The following PITPNC1 variants were observed in gnomAD, a reference collection of about 807,000 sequenced individuals.
The protein encoded by PITPNC1 is phosphatidylinositol transfer protein cytoplasmic 1, also known as cytoplasmic phosphatidylinositol transfer protein 1.
PITPNC1 carries 18 observed loss-of-function variants against 44.7 expected under a neutral mutation model. The ratio of observed to expected loss-of-function variants is 0.40; its 90% CI spans 0.28 to 0.60. PITPNC1 has a LOEUF of 0.60. PITPNC1 is among the 20% of genes least tolerant of loss of function. The pLI is 0.39. For synonymous variants in PITPNC1, 141 were observed against 149.6 expected (o/e 0.94, Z 0.42); for missense variants, 290 against 418.4 (o/e 0.69, Z 2.68).
intron 6 of PITPNC1, among the ~76,000 whole-genome samples, chr17:67,666,545 G>A (rs1465392349): frequency 6.6e-6 from 1 of 152,166 alleles, no homozygotes; most frequent in East Asian, 1.9e-4. Context: ...TTCCTGCCAG[G>A]GCATATTACT....
intron 2 of PITPNC1, among the ~76,000 whole-genome samples, chr17:67,542,720 C>T (rs7222841): frequency 0.097 from 14,695 of 152,128 alleles, 703 homozygotes; most frequent in Non-Finnish European, 0.11. Context: ...ACGCATGAGC[C>T]GGCATAGTGA....
At chr17:67,395,146 C>T (rs1256937741) in intron 1 of PITPNC1, among the ~76,000 whole-genome samples, 4 of 151,834 alleles carry the variant, frequency 2.6e-5, no homozygotes, top group Non-Finnish European at 4.4e-5. Context: ...TCTGTAATCA[C>T]CTGCTTATCT....
chr17:67,586,294 T>A (rs573682483), intron 5 of PITPNC1, among the ~76,000 whole-genome samples: 1 of 152,130 alleles, frequency 6.6e-6, no homozygotes, highest in African/African-American at 2.4e-5. Flanking sequence ...TAATTTTAAA[T>A]TTATACTAAA....
intron 1 of PITPNC1, among the ~76,000 whole-genome samples, chr17:67,506,653 C>T (rs577246490): frequency 9.2e-5 from 14 of 152,166 alleles, no homozygotes; most frequent in African/African-American, 3.1e-4. Flanking sequence ...ACTTACTATA[C>T]GCGATGTACT....
At chr17:67,576,327 C>T (rs1160686388) in intron 4 of PITPNC1, among the ~76,000 whole-genome samples, 1 of 152,168 alleles carries the variant, frequency 6.6e-6, no homozygotes, top group Non-Finnish European at 1.5e-5. Flanking sequence ...CTCTCTGCAC[C>T]TCCATCTCCT....
intron 3 of PITPNC1, chr17:67,553,384 T>G (rs2040793427): frequency 2.8e-6 from 1 of 360,906 alleles, no homozygotes; most frequent in African/African-American, 2.1e-5. Flanking sequence ...AATTGAATCT[T>G]GTCTTACTGT....
At chr17:67,575,831 CTTCCTTCCTTCTTTCTTTCTTTCT>C (rs1268009069) in intron 4 of PITPNC1, among the ~76,000 whole-genome samples, 1,530 of 101,938 alleles carry the variant, frequency 0.015, 73 homozygotes, top group Middle Eastern at 0.032. Context: ...TCCTTCCTTC[CTTCCTTCCTTCTTTCTTTCTTTCT>C]TTCCTTCCTT....
At chr17:67,580,163 C>G (rs1158076830) in intron 5 of PITPNC1, among the ~76,000 whole-genome samples, 2 of 152,116 alleles carry the variant, frequency 1.3e-5, no homozygotes, top group Non-Finnish European at 2.9e-5. Context: ...GTATGCTTCC[C>G]TATAATGATT....
At chr17:67,464,504 G>A (rs1030116662) in intron 1 of PITPNC1, among the ~76,000 whole-genome samples, 2 of 152,034 alleles carry the variant, frequency 1.3e-5, no homozygotes, top group Non-Finnish European at 2.9e-5. Flanking sequence ...ATAGGCTGGC[G>A]AACTCTAAGA....
intron 4 of PITPNC1, among the ~76,000 whole-genome samples, chr17:67,562,326 A>G (rs80025634): frequency 6.5e-4 from 99 of 152,284 alleles, no homozygotes; most frequent in African/African-American, 2.0e-3. Context: ...CTGGAATACA[A>G]GCAGCTGTTT....
intron 4 of PITPNC1, among the ~76,000 whole-genome samples, chr17:67,562,733 G>T (rs2040922437): frequency 6.6e-6 from 1 of 152,152 alleles, no homozygotes; most frequent in South Asian, 2.1e-4. Context: ...TTGCCTGTAT[G>T]ATAACTAAGG....
chr17:67,455,604 T>G (rs1019399024), intron 1 of PITPNC1, among the ~76,000 whole-genome samples: 1 of 145,128 alleles, frequency 6.9e-6, no homozygotes, highest in Non-Finnish European at 1.5e-5. Context: ...TGTTTTTTTT[T>G]GTTTTTTTTG....
intron 5 of PITPNC1, among the ~76,000 whole-genome samples, chr17:67,585,843 A>G (rs1006324861): frequency 1.3e-5 from 2 of 152,212 alleles, no homozygotes; most frequent in Non-Finnish European, 2.9e-5. Context: ...CAACACGTGA[A>G]GACGTAGGGA....
chr17:67,521,847 A>G (rs2040329228), intron 1 of PITPNC1, among the ~76,000 whole-genome samples: 2 of 152,222 alleles, frequency 1.3e-5, no homozygotes, highest in Admixed American at 6.5e-5. Context: ...ATTCATGTTC[A>G]TTGAGGAATG....
chr17:67,439,380 G>T (rs1258159099), intron 1 of PITPNC1, among the ~76,000 whole-genome samples: 1 of 151,908 alleles, frequency 6.6e-6, no homozygotes, highest in Non-Finnish European at 1.5e-5. Flanking sequence ...AGAAACAAAA[G>T]GTTAGGAATA....
chr17:67,385,360 C>T (rs1289819638), intron 1 of PITPNC1, among the ~76,000 whole-genome samples: 2 of 152,134 alleles, frequency 1.3e-5, no homozygotes, highest in East Asian at 3.8e-4. Context: ...ATGGACCAAT[C>T]AGTGCTCAGT....
chr17:67,520,011 T>C (rs1231293107), intron 1 of PITPNC1, among the ~76,000 whole-genome samples: 1 of 152,244 alleles, frequency 6.6e-6, no homozygotes, highest in Non-Finnish European at 1.5e-5. Flanking sequence ...TGCTTCTCTT[T>C]GCATTTCCTT....
chr17:67,467,816 C>T lies in PITPNC1; in HGVS notation c.49-64986C>T, dbSNP rs534784658. ...AGCCTGATCTTGTAGAAAGCCGTCC[C>T]TGGGAAAATGATTAAATGTCAGTAA... On this transcript the variant is annotated intron_variant, in intron 1 of 8. Transcript: ENST00000581322. 1.1e-3 allele frequency among the ~76,000 whole-genome samples: 170 copies of T among 152,292 alleles called. 1 individual carries two copies. The highest frequency in any genetic ancestry group is 4.0e-3 in the African/African-American group (165 of 41,566).
intron 1 of PITPNC1, among the ~76,000 whole-genome samples, chr17:67,514,741 G>A (rs1029727490): frequency 1.3e-5 from 2 of 152,032 alleles, no homozygotes; most frequent in African/African-American, 2.4e-5. Context: ...CACGAGAATC[G>A]CTTGAACCTG....
Sources: allele counts gnomAD v4.1 joint callset (sites outside exome capture counted in the v4.1 genomes callset), GRCh38; gene constraint gnomAD v4.1.1; transcripts MANE v1.5; gene names NCBI Gene and HGNC (gene_info 2026-07-23, HGNC 2026-07-21).